The following ROBO2 variants were observed in gnomAD, a reference collection of about 807,000 sequenced individuals.
The protein encoded by ROBO2 is roundabout guidance receptor 2.
A neutral mutation model predicts 160.8 loss-of-function variants in ROBO2; 53 were observed. The observed-to-expected ratio is 0.33, with a 90% CI of 0.26 to 0.41. ROBO2 has a LOEUF of 0.41. Ranked by LOEUF, ROBO2 falls within the 10% of genes least tolerant of loss-of-function variation. The pLI, the probability that ROBO2 is intolerant of heterozygous loss-of-function variation, is 1.00. For missense variants in ROBO2, 1,577 were observed against 1,722.4 expected (o/e 0.92, Z 1.49); for synonymous variants, 664 against 611.7 (o/e 1.09, Z -1.26).
chr3:75,927,542 G>A (rs1248901326), intron 1 of ROBO2, among the ~76,000 whole-genome samples: 3 of 152,158 alleles, frequency 2.0e-5, no homozygotes, highest in Admixed American at 2.0e-4. Flanking sequence ...ACATAGTCAC[G>A]TAAAGTATAT....
chr3:76,980,715 CA>C (rs2060054023), intron 2 of ROBO2, among the ~76,000 whole-genome samples: 1 of 151,696 alleles, frequency 6.6e-6, no homozygotes, highest in East Asian at 1.9e-4. Flanking sequence ...ATTCACATGC[CA>C]AAAAACTTAC....
intron 2 of ROBO2, among the ~76,000 whole-genome samples, chr3:76,353,455 A>T (rs1208103201): frequency 6.6e-6 from 1 of 151,904 alleles, no homozygotes; most frequent in East Asian, 1.9e-4. Flanking sequence ...ATCTATATAA[A>T]AGTCTTATTG....
intron 12 of ROBO2, among the ~76,000 whole-genome samples, chr3:77,566,391 A>G (rs1327517177): frequency 6.6e-6 from 1 of 152,118 alleles, no homozygotes; most frequent in Admixed American, 6.6e-5. Flanking sequence ...ATTTGAACCT[A>G]GTCATATTTT....
At chr3:76,369,693 T>G (rs982567459) in intron 2 of ROBO2, among the ~76,000 whole-genome samples, 3 of 151,922 alleles carry the variant, frequency 2.0e-5, no homozygotes, top group African/African-American at 4.8e-5. Context: ...TTTGTCTCTC[T>G]CCTTGTCCTT....
At chr3:76,219,593 C>A (rs1703816834) in intron 2 of ROBO2, among the ~76,000 whole-genome samples, 1 of 152,280 alleles carries the variant, frequency 6.6e-6, no homozygotes, top group South Asian at 2.1e-4. Flanking sequence ...TCTTCACTGG[C>A]CATCAGAGAC....
At chr3:77,327,521 T>C (rs1044216601) in intron 2 of ROBO2, among the ~76,000 whole-genome samples, 3 of 152,006 alleles carry the variant, frequency 2.0e-5, no homozygotes, top group Non-Finnish European at 4.4e-5. Flanking sequence ...ACCGGACCCA[T>C]TATTGGAGAA....
chr3:77,238,326 C>T (rs1469471509), intron 2 of ROBO2, among the ~76,000 whole-genome samples: 1 of 152,092 alleles, frequency 6.6e-6, no homozygotes, highest in Non-Finnish European at 1.5e-5. Flanking sequence ...TCTAGATTTT[C>T]TCTTGTGCCG....
At chr3:77,579,949 C>G in exon 16 of ROBO2, 3 of 1,612,962 alleles carry the variant, frequency 1.9e-6, no homozygotes, top group Non-Finnish European at 1.7e-6. Flanking sequence ...TTCTGTAGAT[C>G]TGGTGTCTAG....
chr3:76,589,503 C>G (rs1304178582), intron 2 of ROBO2, among the ~76,000 whole-genome samples: 1 of 152,080 alleles, frequency 6.6e-6, no homozygotes, highest in Non-Finnish European at 1.5e-5. Flanking sequence ...GGGGTTTCAC[C>G]ACTTGTTCTA....
chr3:76,152,069 G>A (rs1183225504), intron 2 of ROBO2, among the ~76,000 whole-genome samples: 1 of 152,074 alleles, frequency 6.6e-6, no homozygotes, highest in African/African-American at 2.4e-5. Context: ...AGCTTTAAAA[G>A]GCCATTTAAC....
intron 2 of ROBO2, among the ~76,000 whole-genome samples, chr3:77,250,434 G>T (rs1453211633): frequency 6.6e-6 from 1 of 151,996 alleles, no homozygotes; most frequent in African/African-American, 2.4e-5. Flanking sequence ...TTAATATCCA[G>T]CCTCCTTCAC....
At chr3:76,453,608 C>T (rs948334747) in intron 2 of ROBO2, among the ~76,000 whole-genome samples, 28 of 151,760 alleles carry the variant, frequency 1.8e-4, no homozygotes, top group African/African-American at 3.9e-4. Flanking sequence ...AGTCAGGTAG[C>T]GTGATGCCTC....
intron 2 of ROBO2, among the ~76,000 whole-genome samples, chr3:76,639,330 ATGTG>A (rs201890668): frequency 7.4e-5 from 11 of 148,630 alleles, no homozygotes; most frequent in African/African-American, 2.1e-4. Context: ...ACATGTATAT[ATGTG>A]TGTGTGTATG....
Position 76,580,354 on chromosome 3 carries a change from G to GT in ROBO2, c.110-517649dup, listed in dbSNP as rs1457222056. Among the ~76,000 whole-genome samples, 452 of 46,270 alleles carry GT rather than the reference G, an allele frequency of 9.8e-3. 4 individuals are homozygous for GT. The highest frequency in any genetic ancestry group is 0.03 in the South Asian group (38 of 1,278). 30.4% of individuals were successfully genotyped at this position (46,270 alleles called of 152,430 possible). A position where few individuals can be genotyped will look rare whatever the true frequency, so the allele number is the denominator to read the frequency against. On this transcript the variant is annotated intron_variant, in intron 2 of 26. Transcript: ENST00000487694. ...TTTTTTTTTTTGTGTTTTTTTTTTTGTTTTTTTTTTTGGTTTTTTTCTCTT... is the reference window on the plus strand; with the variant it reads ...TTTTTTTTTTTGTGTTTTTTTTTTTGTTTTTTTTTTTTGGTTTTTTTCTCTT...
At chr3:76,806,986 A>G (rs1314633757) in intron 2 of ROBO2, among the ~76,000 whole-genome samples, 1 of 152,054 alleles carries the variant, frequency 6.6e-6, no homozygotes, top group East Asian at 1.9e-4. Flanking sequence ...AAATTAGATT[A>G]AAAGAAATTA....
intron 12 of ROBO2, among the ~76,000 whole-genome samples, chr3:77,566,547 T>G (rs183048968): frequency 6.6e-6 from 1 of 152,194 alleles, no homozygotes; most frequent in Admixed American, 6.6e-5. Context: ...TAGAAATAGT[T>G]TTTGTGTGTA....
Position 77,322,865 on chromosome 3 carries a change from A to AATATATTATATAATATATTATATTATAC in ROBO2, c.389-154540_389-154539insATAATATATTATATTATACATATATTAT, listed in dbSNP as rs1491576038. Reference sequence around the variant, plus strand: ...ATATTATATTATACATATGTATTATAATATATTATGTAATATATTATATTA... The same window carrying AATATATTATATAATATATTATATTATAC: ...ATATTATATTATACATATGTATTATAATATATTATATAATATATTATATTATACATATATTATGTAATATATTATATTA... On this transcript the variant is annotated intron_variant, in intron 2 of 25. Coordinates refer to ENST00000461745, the Ensembl canonical transcript of ROBO2. 3.4e-4 allele frequency among the ~76,000 whole-genome samples: 35 copies of AATATATTATATAATATATTATATTATAC among 104,096 alleles called. 4 individuals carry two copies. The highest frequency in any genetic ancestry group is 4.8e-4 in the Non-Finnish European group (28 of 57,738). The allele number at this position is 104,096 out of a possible 152,430, so 68.3% of individuals were successfully genotyped here.
chr3:76,495,761 T>G (rs1484450999), intron 2 of ROBO2, among the ~76,000 whole-genome samples: 1 of 152,184 alleles, frequency 6.6e-6, no homozygotes, highest in Non-Finnish European at 1.5e-5. Flanking sequence ...AACAACTATG[T>G]TATCAGAATA....
chr3:76,507,885 A>T (rs1379418472), intron 2 of ROBO2, among the ~76,000 whole-genome samples: 1 of 152,146 alleles, frequency 6.6e-6, no homozygotes, highest in Admixed American at 6.5e-5. Context: ...TTCATAGGAA[A>T]TCAAAGTCAT....
Sources: gnomAD v4.1 joint callset for allele counts (sites outside exome capture counted in the v4.1 genomes callset) on GRCh38, gnomAD v4.1.1 for gene constraint, MANE v1.5 for transcripts, NCBI Gene and HGNC (gene_info 2026-07-23, HGNC 2026-07-21) for gene names.